ROBO2: variants seen among roughly 807,000 people sequenced by gnomAD.
ROBO2 encodes roundabout homolog 2.
In ROBO2, 53 loss-of-function variants were observed where a neutral mutation model predicts 160.8. That is an observed-to-expected ratio of 0.33 (90% CI 0.26 to 0.41). The LOEUF (loss-of-function observed/expected upper bound fraction) is 0.41, where lower values mean the gene tolerates loss of function less well. Ranked by LOEUF, ROBO2 falls within the 10% of genes least tolerant of loss-of-function variation. The pLI, the probability that ROBO2 is intolerant of heterozygous loss-of-function variation, is 1.00. For missense variants in ROBO2, 1,577 were observed against 1,722.4 expected (o/e 0.92, Z 1.49); for synonymous variants, 664 against 611.7 (o/e 1.09, Z -1.26).
chr3:76,771,935 T>C (rs2061931464), intron 2 of ROBO2, among the ~76,000 whole-genome samples: 1 of 151,344 alleles, frequency 6.6e-6, no homozygotes, highest in African/African-American at 2.4e-5. Context: ...GTAATTCTAA[T>C]TTTTAAATTA....
rs376522256 is a variant in ROBO2, at chr3:76,520,819, G to T, written c.110-577195G>T. Among the ~76,000 whole-genome samples the T allele has an allele frequency of 2.8e-4, 42 of 152,178 alleles. 1 individual carries two copies. The highest frequency in any genetic ancestry group is 2.7e-3 in the South Asian group (13 of 4,828). ...ACAAACATTTTAAAACATTTAAAAAGCACTTTTGAATTTTAAAAAGGGCCT... is the reference window on the plus strand; with the variant it reads ...ACAAACATTTTAAAACATTTAAAAATCACTTTTGAATTTTAAAAAGGGCCT... On this transcript the variant is annotated intron_variant, in intron 2 of 26. Coordinates refer to the ROBO2 transcript ENST00000487694.
Position 76,912,633 on chromosome 3 carries a change from A to C in ROBO2, c.110-185381A>C, listed in dbSNP as rs2076062196. Among the ~76,000 whole-genome samples, 3 of 152,212 alleles carry C rather than the reference A, an allele frequency of 2.0e-5. No individual in the cohort carries two copies. In the South Asian group the frequency reaches 6.2e-4, roughly 31 times the overall value. On this transcript the variant is annotated intron_variant, in intron 2 of 26. Coordinates refer to the ROBO2 transcript ENST00000487694. The stretch of plus-strand genomic sequence containing the variant: ...CCAATTAAAGACTCTCCAATGAATG[A>C]GCTAAATAAAACTTCAGAAAGAAAT...
chr3:77,391,311 T>A (rs766576623), intron 2 of ROBO2, among the ~76,000 whole-genome samples: 2 of 152,030 alleles, frequency 1.3e-5, no homozygotes, highest in Non-Finnish European at 2.9e-5. Flanking sequence ...AAAGCTTTTT[T>A]AAGAAATTTT....
intron 2 of ROBO2, among the ~76,000 whole-genome samples, chr3:76,725,025 A>G (rs1190099786): frequency 6.6e-6 from 1 of 152,164 alleles, no homozygotes; most frequent in Non-Finnish European, 1.5e-5. Context: ...TGCAGGGAAC[A>G]TATCCCTGCT....
intron 2 of ROBO2, among the ~76,000 whole-genome samples, chr3:76,338,995 T>G (rs1045676050): frequency 1.6e-4 from 25 of 152,152 alleles, no homozygotes; most frequent in African/African-American, 5.8e-4. Flanking sequence ...AAAATCTAAC[T>G]GTGCAAATAA....
intron 2 of ROBO2, among the ~76,000 whole-genome samples, chr3:76,077,404 A>C (rs1390987966): frequency 6.6e-6 from 1 of 152,116 alleles, no homozygotes; most frequent in African/African-American, 2.4e-5. Context: ...CTCTACTAAA[A>C]ATACAAAAAT....
intron 2 of ROBO2, among the ~76,000 whole-genome samples, chr3:77,020,116 A>T (rs1461363776): frequency 1.3e-5 from 2 of 152,210 alleles, no homozygotes; most frequent in Admixed American, 6.5e-5. Context: ...ATGGGTTTTT[A>T]AAACAGCACA....
intron 2 of ROBO2, among the ~76,000 whole-genome samples, chr3:76,240,990 G>A (rs961492961): frequency 6.6e-6 from 1 of 152,194 alleles, no homozygotes; most frequent in East Asian, 1.9e-4. Context: ...TATGGAAGTT[G>A]TAGATTTGGG....
chr3:76,469,304 T>C (rs1166680857), intron 2 of ROBO2, among the ~76,000 whole-genome samples: 2 of 152,108 alleles, frequency 1.3e-5, no homozygotes, highest in East Asian at 3.9e-4. Context: ...TGTCAGGTGC[T>C]GTAATGCTCT....
chr3:76,299,148 A>G (rs548931882), intron 2 of ROBO2, among the ~76,000 whole-genome samples: 5 of 152,332 alleles, frequency 3.3e-5, no homozygotes, highest in Non-Finnish European at 7.4e-5. Flanking sequence ...GAGATGGGAA[A>G]TAAGTAAAAA....
Position 76,899,083 on chromosome 3 carries a change from A to G in ROBO2, c.110-198931A>G, listed in dbSNP as rs9845009. The stretch of plus-strand genomic sequence containing the variant: ...TACCGGATGTAGAATGTACACAACA[A>G]TTCTTCTGCTTTCTCCAAATGGAAA... On this transcript the variant is annotated intron_variant, in intron 2 of 26. Coordinates refer to the ROBO2 transcript ENST00000487694. Among the ~76,000 whole-genome samples the G allele has an allele frequency of 6.7e-3, 1,024 of 152,200 alleles. 12 individuals carry two copies. The highest frequency in any genetic ancestry group is 0.024 in the African/African-American group (998 of 41,546).
At chr3:76,588,924 T>TG (rs1389854490) in intron 2 of ROBO2, among the ~76,000 whole-genome samples, 1 of 152,182 alleles carries the variant, frequency 6.6e-6, no homozygotes, top group Non-Finnish European at 1.5e-5. Context: ...TGACAGATGT[T>TG]GGAGTTTCAA....
At chr3:77,021,069 G>A (rs960472374) in intron 2 of ROBO2, among the ~76,000 whole-genome samples, 2 of 152,116 alleles carry the variant, frequency 1.3e-5, no homozygotes, top group Non-Finnish European at 1.5e-5. Flanking sequence ...AATTATCTGG[G>A]TGTGGTGGCA....
intron 5 of ROBO2, among the ~76,000 whole-genome samples, chr3:77,518,942 G>T (rs1363337738): frequency 1.3e-5 from 2 of 151,422 alleles, no homozygotes; most frequent in African/African-American, 4.8e-5. Flanking sequence ...AACAAACCTG[G>T]CCCATGTCAC....
At chr3:77,392,250 T>A in intron 2 of ROBO2, among the ~76,000 whole-genome samples, 1 of 152,226 alleles carries the variant, frequency 6.6e-6, no homozygotes, top group Non-Finnish European at 1.5e-5. Context: ...TTGCTAAAAT[T>A]CAACCTATTT....
rs186468624 is a variant in ROBO2 at position 77,292,830 on chromosome 3, G to C, written c.389-184584G>C. On this transcript the variant is annotated intron_variant, in intron 2 of 25. Coordinates refer to ENST00000461745, the Ensembl canonical transcript of ROBO2. ...ATCACCCCAGATATAAAGTAAAACT[G>C]ACGGTTAAACGGGTAAGCTGAGGCT... 3.2e-3 allele frequency among the ~76,000 whole-genome samples: 476 copies of C among 149,694 alleles called. 17 individuals carry two copies. Among genetic ancestry groups the C allele is most frequent in the Non-Finnish European group, 4.9e-3 (325 of 66,938 alleles).
In ROBO2 at chr3:76,707,733, A is replaced by G. The variant is rs2608144; in HGVS notation, c.110-390281A>G. Reference sequence around the variant, plus strand: ...CACACATTAGAATACATGTGTGTGTATATATATATATATATATATATATAT... The same window carrying G: ...CACACATTAGAATACATGTGTGTGTGTATATATATATATATATATATATAT... On this transcript the variant is annotated intron_variant, in intron 2 of 26. Transcript: ENST00000487694. Among the ~76,000 whole-genome samples, 96 of 21,682 alleles carry G rather than the reference A, an allele frequency of 4.4e-3. 1 individual carries two copies. Among genetic ancestry groups the G allele is most frequent in the Admixed American group, 8.2e-3 (18 of 2,204 alleles). The allele number at this position is 21,682 out of a possible 152,430, so 14.2% of individuals were successfully genotyped here.
intron 23 of ROBO2, chr3:77,629,377 T>C (rs2095107772): frequency 6.6e-6 from 1 of 152,150 alleles, no homozygotes; most frequent in African/African-American, 2.4e-5. Context: ...GTCACTATGC[T>C]AGATCCTCAG....
chr3:77,372,522 G>A (rs950628404), intron 2 of ROBO2, among the ~76,000 whole-genome samples: 2 of 152,062 alleles, frequency 1.3e-5, no homozygotes, highest in African/African-American at 2.4e-5. Context: ...TCATGTCACC[G>A]TGCATAAAAC....
Sources: allele counts gnomAD v4.1 joint callset (sites outside exome capture counted in the v4.1 genomes callset), GRCh38; gene constraint gnomAD v4.1.1; transcripts MANE v1.5; gene names NCBI Gene and HGNC (gene_info 2026-07-23, HGNC 2026-07-21).